The following MPDZ variants were observed in gnomAD, a reference collection of about 807,000 sequenced individuals.
The protein encoded by MPDZ is multiple PDZ domain crumbs cell polarity complex component.
MPDZ carries 234 observed loss-of-function variants against 239.1 expected under a neutral mutation model. That is an observed-to-expected ratio of 0.98 (90% CI 0.88 to 1.09). The LOEUF is 1.09. MPDZ is among the 50% of genes least tolerant of loss of function. The pLI is 0.00. For missense variants in MPDZ, 3,175 were observed against 2,510.0 expected (o/e 1.26, Z -5.66); for synonymous variants, 1,048 against 881.3 (o/e 1.19, Z -3.35).
At position 13,194,692 on chromosome 9, in the gene MPDZ, T is replaced by C. The variant is rs139705989; in HGVS notation, c.1657-1379A>G. Reference sequence around the variant, plus strand: ...CAAACCTGCACATTCTGCACATGTATCCTAGAACTTAAAAGTAAAATTTAA... The same window carrying C: ...CAAACCTGCACATTCTGCACATGTACCCTAGAACTTAAAAGTAAAATTTAA... On this transcript the variant is annotated intron_variant, in intron 13 of 46. Coordinates refer to ENST00000319217, the MANE Select transcript of MPDZ (RefSeq NM_001378778.1). Among the ~76,000 whole-genome samples the C allele has an allele frequency of 1.6e-4, 24 of 152,062 alleles. No homozygotes were observed. The East Asian group carries it at 4.7e-3, about 30-fold the overall frequency.
intron 23 of MPDZ, among the ~76,000 whole-genome samples, chr9:13,158,508 T>C (rs565302223): frequency 4.9e-4 from 74 of 152,300 alleles, no homozygotes; most frequent in African/African-American, 1.7e-3. Flanking sequence ...TAAGCATGTA[T>C]GCACAGCCCT....
chr9:13,199,474 A>T (rs1223927534), intron 12 of MPDZ, among the ~76,000 whole-genome samples: 1 of 151,922 alleles, frequency 6.6e-6, no homozygotes, highest in Non-Finnish European at 1.5e-5. Context: ...TCTCTTTCCA[A>T]TCTGGATGCC....
At chr9:13,114,849 G>A (rs1341905996) in intron 40 of MPDZ, among the ~76,000 whole-genome samples, 2 of 151,990 alleles carry the variant, frequency 1.3e-5, no homozygotes, top group African/African-American at 4.8e-5. Flanking sequence ...GCAGTGAGCT[G>A]AGATTGTGCC....
chr9:13,146,728 C>G (rs963666804), intron 26 of MPDZ, among the ~76,000 whole-genome samples: 2 of 151,766 alleles, frequency 1.3e-5, no homozygotes, highest in African/African-American at 4.8e-5. Context: ...ATCCAAAATA[C>G]TTAATAACTG....
In MPDZ at chr9:13,105,871, C is replaced by T. The variant is rs1941399132; in HGVS notation, c.*1094G>A. On this transcript the variant is annotated 3_prime_UTR_variant, in exon 47 of 47. Transcript: ENST00000319217. Reference sequence around the variant, plus strand: ...TCACGCTCTAAAATGGGAATGAACACATGATAATTCCTCACCAGTTGTCTC... The same window carrying T: ...TCACGCTCTAAAATGGGAATGAACATATGATAATTCCTCACCAGTTGTCTC... 1 of 152,198 alleles carries T rather than the reference C, an allele frequency of 6.6e-6. No individual in the cohort carries two copies. Among genetic ancestry groups the T allele is most frequent in the South Asian group, 2.1e-4 (1 of 4,826 alleles). 9.4% of individuals were successfully genotyped at this position (152,198 alleles called of 1,614,324 possible).
chr9:13,156,802 AAC>A (rs1220830480), intron 24 of MPDZ, among the ~76,000 whole-genome samples: 4 of 152,190 alleles, frequency 2.6e-5, no homozygotes, highest in Non-Finnish European at 5.9e-5. Context: ...CCTGCTACAA[AAC>A]AGTTTCATTT....
rs763526398 is a variant in MPDZ, at chr9:13,188,744, TTATAAA to T, written c.2364+34_2364+39del. 2.5e-6 allele frequency: 4 copies of T among 1,571,248 alleles called. No individual in the cohort carries two copies. In the African/African-American group the frequency reaches 5.4e-5, roughly 21 times the overall value. ...AAAGTAGACCTATGAACCATTTTGC[TTATAAA>T]TATAAAGGGAAGCAATAAAGTCTGA... On this transcript the variant is annotated intron_variant, in intron 17 of 46. Coordinates refer to ENST00000319217, the MANE Select transcript of MPDZ (RefSeq NM_001378778.1).
intron 35 of MPDZ, among the ~76,000 whole-genome samples, chr9:13,124,681 C>G (rs1053305563): frequency 6.6e-6 from 1 of 152,098 alleles, no homozygotes; most frequent in Non-Finnish European, 1.5e-5. Context: ...ACTATTACAC[C>G]TAAAGCATAG....
intron 1 of MPDZ, among the ~76,000 whole-genome samples, chr9:13,268,248 G>C (rs987410520): frequency 2.0e-5 from 3 of 151,632 alleles, no homozygotes; most frequent in Non-Finnish European, 4.4e-5. Context: ...AATTCATCAA[G>C]TATTAAGTGA....
At chr9:13,258,906 T>C (rs1424332646) in intron 1 of MPDZ, among the ~76,000 whole-genome samples, 1 of 152,164 alleles carries the variant, frequency 6.6e-6, no homozygotes, top group Non-Finnish European at 1.5e-5. Context: ...TACTGATTAA[T>C]ATTCTTGTTC....
rs1334638606 is a variant in MPDZ, at chr9:13,183,341, C to T, written c.2649+77G>A. The T allele has an allele frequency of 3.5e-6, 4 of 1,159,366 alleles. No homozygotes were observed. The African/African-American group carries it at 6.3e-5, about 18-fold the overall frequency. 71.8% of individuals were successfully genotyped at this position (1,159,366 alleles called of 1,614,324 possible). A position where few individuals can be genotyped will look rare whatever the true frequency, so the allele number is the denominator to read the frequency against. ...TGTCTCCAATATGTTATTCCCACAACTCCCCATAAGGACTGAGCTCTGGAA... is the reference window on the plus strand; with the variant it reads ...TGTCTCCAATATGTTATTCCCACAATTCCCCATAAGGACTGAGCTCTGGAA... On this transcript the variant is annotated intron_variant, in intron 19 of 46. Coordinates refer to ENST00000319217, the MANE Select transcript of MPDZ (RefSeq NM_001378778.1).
At chr9:13,179,478 A>G (rs1274598862) in intron 19 of MPDZ, among the ~76,000 whole-genome samples, 1 of 152,176 alleles carries the variant, frequency 6.6e-6, no homozygotes, top group Non-Finnish European at 1.5e-5. Flanking sequence ...ACACAGACAC[A>G]CAGAAAAGAA....
At chr9:13,149,700 G>A (rs1948897618) in intron 25 of MPDZ, among the ~76,000 whole-genome samples, 1 of 152,050 alleles carries the variant, frequency 6.6e-6, no homozygotes. Context: ...AATATTTGTT[G>A]AGTAAATGAG....
At chr9:13,195,264 G>A (rs1338097312) in intron 13 of MPDZ, among the ~76,000 whole-genome samples, 1 of 152,064 alleles carries the variant, frequency 6.6e-6, no homozygotes, top group Non-Finnish European at 1.5e-5. Flanking sequence ...CTCCAGCCTG[G>A]GTGACAGAGC....
intron 3 of MPDZ, among the ~76,000 whole-genome samples, chr9:13,226,025 T>C (rs373525269): frequency 2.9e-4 from 44 of 152,220 alleles, no homozygotes; most frequent in African/African-American, 9.9e-4. Context: ...TCAAGGTGGC[T>C]AGGGGAACCT....
At chr9:13,267,651 G>A (rs1023184263) in intron 1 of MPDZ, among the ~76,000 whole-genome samples, 4 of 152,140 alleles carry the variant, frequency 2.6e-5, no homozygotes, top group Admixed American at 1.3e-4. Flanking sequence ...CAATTTATCT[G>A]AGAAAAGACA....
Position 13,196,195 on chromosome 9 carries a change from C to G in MPDZ, c.1582G>C (p.Glu528Gln). 6.3e-7 allele frequency: 1 copy of G among 1,598,604 alleles called. No individual in the cohort carries two copies. The change falls in exon 13 of 47, where the codon GAA (glutamate) becomes CAA (glutamine). Residue 528 changes from glutamate to glutamine, a missense_variant. By Grantham distance (29) the Glu-to-Gln change is conservative. Transcript: ENST00000319217. ...GCAGCTTCTTGTTTTTGTGCATCTT[C>G]TATTTCTTCTATCTCAGCTGACAGT... Reference protein sequence around the residue: ...PLLSAEIEEIEDAQKQEAALL... With the variant: ...PLLSAEIEEIQDAQKQEAALL...
chr9:13,110,660 A>G lies in MPDZ; in HGVS notation c.5805T>C (p.Asn1935=). The change falls in exon 44 of 47, where the codon AAT becomes AAC. Residue 1935 remains asparagine, a synonymous_variant. Transcript: ENST00000319217. ...CCTGCATTTCAATGGAGCCAGATGCATTTTTCAGTAGGTTAACTGCTTGGG... is the reference window on the plus strand; with the variant it reads ...CCTGCATTTCAATGGAGCCAGATGCGTTTTTCAGTAGGTTAACTGCTTGGG... The part of the protein sequence containing the change: ...THTQAVNLLK[N]ASGSIEMQVV... 6.2e-7 allele frequency: 1 copy of G among 1,613,664 alleles called. No homozygotes were observed. Among genetic ancestry groups the G allele is most frequent in the Non-Finnish European group, 8.5e-7 (1 of 1,179,754 alleles).
At chr9:13,144,594 A>G (rs1422913706) in intron 26 of MPDZ, among the ~76,000 whole-genome samples, 2 of 152,030 alleles carry the variant, frequency 1.3e-5, no homozygotes, top group African/African-American at 2.4e-5. Context: ...GCAGGCATCA[A>G]GTATAGGGAG....
Sources: gnomAD v4.1 joint callset for allele counts (sites outside exome capture counted in the v4.1 genomes callset) on GRCh38, gnomAD v4.1.1 for gene constraint, MANE v1.5 for transcripts, NCBI Gene and HGNC (gene_info 2026-07-23, HGNC 2026-07-21) for gene names.